NIN: variants seen among roughly 807,000 people sequenced by gnomAD.
NIN encodes the protein glycogen synthase kinase 3 beta-interacting protein.
Under a neutral mutation model 257.6 loss-of-function variants are expected in NIN, and 137 were observed. The observed-to-expected ratio is 0.53, with a 90% CI of 0.46 to 0.61. The LOEUF is 0.61. Among genes scored for constraint, NIN ranks in the 20% least tolerant of loss-of-function variants. The pLI, the probability that NIN is intolerant of heterozygous loss-of-function variation, is 0.00. For missense variants in NIN, 2,439 were observed against 2,501.2 expected (o/e 0.98, Z 0.53); for synonymous variants, 918 against 919.8 (o/e 1.00, Z 0.04).
intron 2 of NIN, among the ~76,000 whole-genome samples, chr14:50,825,697 G>A (rs1175578316): frequency 6.6e-6 from 1 of 152,192 alleles, no homozygotes; most frequent in Non-Finnish European, 1.5e-5. Context: ...CATGCACACA[G>A]AACACATGAA....
At chr14:50,801,518 T>C (rs2044102760) in intron 4 of NIN, among the ~76,000 whole-genome samples, 1 of 152,230 alleles carries the variant, frequency 6.6e-6, no homozygotes. Context: ...AACGAGCCTT[T>C]GGGCCATCTG....
At chr14:50,813,977 CAT>C (rs1252592981) in intron 3 of NIN, among the ~76,000 whole-genome samples, 5 of 152,140 alleles carry the variant, frequency 3.3e-5, no homozygotes, top group African/African-American at 1.2e-4. Flanking sequence ...AGAGAAATGA[CAT>C]AGACTAAAAA....
intron 26 of NIN, 110 bp downstream of exon 26, chr14:50,739,198 G>T: frequency 1.1e-6 from 1 of 908,156 alleles, no homozygotes; most frequent in South Asian, 1.8e-5. Context: ...TGCTATAGCA[G>T]GATACTCAAA....
chr14:50,793,023 A>T (rs1007361682), intron 4 of NIN, 142 bp from the exon 5 acceptor site: 8 of 768,528 alleles, frequency 1.0e-5, no homozygotes, highest in Non-Finnish European at 1.7e-5. Flanking sequence ...CTGTGGGTGT[A>T]TATGAGCCAT....
chr14:50,809,986 C>T (rs1175186132), intron 3 of NIN, among the ~76,000 whole-genome samples: 1 of 152,138 alleles, frequency 6.6e-6, no homozygotes, highest in Non-Finnish European at 1.5e-5. Context: ...AATCCCAGCA[C>T]TTTGGGAGGC....
In NIN at chr14:50,752,710, GT is replaced by G; in HGVS notation, c.4757del (p.Asn1586ThrfsTer29). On this transcript the variant is annotated frameshift_variant, in exon 21 of 31. Coordinates refer to ENST00000530997, the MANE Select transcript of NIN (RefSeq NM_020921.4). LOFTEE classifies it high-confidence loss of function. ...KKQISELKIK[N>X]QQLDLENTEL... ...CTGTATTTTCCAAATCCAATTGTTG[GT>G]TTTTGATTTTTAATTCTGAAATCTA... The G allele has an allele frequency of 6.3e-7, 1 of 1,576,680 alleles. No individual in the cohort carries two copies. Among genetic ancestry groups the G allele is most frequent in the Non-Finnish European group, 8.6e-7 (1 of 1,162,658 alleles).
intron 2 of NIN, 95 bp from the exon 3 acceptor site, chr14:50,822,172 A>C: frequency 1.2e-6 from 1 of 853,618 alleles, no homozygotes; most frequent in Non-Finnish European, 1.9e-6. Context: ...GTACCCCACC[A>C]GTCTCTAGGG....
At chr14:50,768,707 ATTGTTTTTG>A (rs1297945564) in intron 12 of NIN, among the ~76,000 whole-genome samples, 1 of 152,150 alleles carries the variant, frequency 6.6e-6, no homozygotes, top group Non-Finnish European at 1.5e-5. Flanking sequence ...CTGCTAACAC[ATTGTTTTTG>A]TTGTTTTTTT....
At chr14:50,784,940 C>T (rs939802067) in intron 5 of NIN, among the ~76,000 whole-genome samples, 1 of 152,168 alleles carries the variant, frequency 6.6e-6, no homozygotes, top group Non-Finnish European at 1.5e-5. Flanking sequence ...GCCAACAGCC[C>T]CATTGAGAGT....
intron 22 of NIN, among the ~76,000 whole-genome samples, chr14:50,745,509 A>C (rs1159195741): frequency 6.6e-6 from 1 of 152,126 alleles, no homozygotes; most frequent in Non-Finnish European, 1.5e-5. Flanking sequence ...CCATCTTTCT[A>C]CTTCCTGAAC....
chr14:50,829,349 A>C (rs571282385), intron 2 of NIN, among the ~76,000 whole-genome samples: 1 of 152,366 alleles, frequency 6.6e-6, no homozygotes, highest in East Asian at 1.9e-4. Flanking sequence ...AGAAGACTCA[A>C]GGTAAAATTA....
In NIN at chr14:50,726,084, A is replaced by G. The variant is rs765145958; in HGVS notation, c.6079-18T>C. 6.3e-6 allele frequency: 10 copies of G among 1,581,824 alleles called. No individual in the cohort carries two copies. In the South Asian group the frequency reaches 6.7e-5, roughly 11 times the overall value. On this transcript the variant is annotated intron_variant, in intron 29 of 30. Transcript: ENST00000530997. ...TGGTTTCCCTGAAGGGAAGAAAAGTATATTATTCGAAAATCATGTCACACT... is the reference window on the plus strand; with the variant it reads ...TGGTTTCCCTGAAGGGAAGAAAAGTGTATTATTCGAAAATCATGTCACACT...
intron 18 of NIN, among the ~76,000 whole-genome samples, chr14:50,755,132 T>C (rs980501606): frequency 1.3e-5 from 2 of 152,214 alleles, no homozygotes; most frequent in East Asian, 3.8e-4. Context: ...TCAATGCTCA[T>C]TCTGGTTGTT....
intron 25 of NIN, among the ~76,000 whole-genome samples, chr14:50,740,589 C>T (rs1192951992): frequency 6.6e-6 from 1 of 152,042 alleles, no homozygotes; most frequent in East Asian, 1.9e-4. Context: ...ACCTCGTGAT[C>T]CGCCCGCCTA....
At chr14:50,739,515 T>G in intron 25 of NIN, 28 bp from the exon 26 acceptor site, 1 of 1,604,832 alleles carries the variant, frequency 6.2e-7, no homozygotes, top group South Asian at 1.1e-5. Context: ...GTGTAAGCCT[T>G]AAAAACAAGC....
At chr14:50,791,805 G>GCACACACACAAACACACACA (rs1254307573) in intron 5 of NIN, among the ~76,000 whole-genome samples, 1 of 23,066 alleles carries the variant, frequency 4.3e-5, no homozygotes, top group East Asian at 2.5e-3. Flanking sequence ...ACAGGTGCAC[G>GCACACACACAAACACACACA]CGCACACACA....
intron 26 of NIN, 140 bp downstream of exon 26, chr14:50,739,167 GA>G: frequency 1.5e-6 from 1 of 650,616 alleles, no homozygotes; most frequent in Non-Finnish European, 2.6e-6. Flanking sequence ...AATGATAAAT[GA>G]TACATTCTTA....
At chr14:50,782,896 C>T (rs1441376828) in intron 5 of NIN, among the ~76,000 whole-genome samples, 1 of 152,138 alleles carries the variant, frequency 6.6e-6, no homozygotes, top group Non-Finnish European at 1.5e-5. Flanking sequence ...ATCAGAGACA[C>T]TCGACTGAGA....
At chr14:50,801,536 T>C (rs2044103447) in intron 4 of NIN, among the ~76,000 whole-genome samples, 1 of 152,206 alleles carries the variant, frequency 6.6e-6, no homozygotes, top group Admixed American at 6.5e-5. Context: ...CTGTGTGTAA[T>C]ATCTCCTAAA....
Sources: gnomAD v4.1 joint callset for allele counts (sites outside exome capture counted in the v4.1 genomes callset) on GRCh38, gnomAD v4.1.1 for gene constraint, MANE v1.5 for transcripts, NCBI Gene and HGNC (gene_info 2026-07-23, HGNC 2026-07-21) for gene names.